Variants in ZNF503 observed in about 807,000 individuals in gnomAD.
The protein encoded by ZNF503 is zinc finger protein 503.
Under a neutral mutation model 34.4 loss-of-function variants are expected in ZNF503, and 15 were observed. The observed-to-expected ratio is 0.44, with a 90% confidence interval of 0.29 to 0.67. The LOEUF (loss-of-function observed/expected upper bound fraction) is 0.67, where lower values mean the gene tolerates loss of function less well. Among genes scored for constraint, ZNF503 ranks in the 30% least tolerant of loss-of-function variants. The pLI, the probability that ZNF503 is intolerant of heterozygous loss-of-function variation, is 0.13. For synonymous variants in ZNF503, 580 were observed against 456.8 expected (o/e 1.27, Z -3.44); for missense variants, 1,007 against 926.8 (o/e 1.09, Z -1.12).
the ZNF503 span, among the ~76,000 whole-genome samples, chr10:75,292,876 G>T: frequency 6.6e-6 from 1 of 152,196 alleles, no homozygotes; most frequent in Non-Finnish European, 1.5e-5. Flanking sequence ...CTGTTTCCTT[G>T]TGAACATTGG....
At chr10:75,314,606 C>T in the ZNF503 span, among the ~76,000 whole-genome samples, 24 of 152,142 alleles carry the variant, frequency 1.6e-4, no homozygotes, top group African/African-American at 5.8e-4. Context: ...AAGGTGAACA[C>T]AGAGAGAAAG....
At chr10:75,351,392 A>C in the ZNF503 span, among the ~76,000 whole-genome samples, 1 of 152,070 alleles carries the variant, frequency 6.6e-6, no homozygotes, top group Non-Finnish European at 1.5e-5. Context: ...GGCTGGTTTC[A>C]AACTCCCGAC....
the ZNF503 span, among the ~76,000 whole-genome samples, chr10:75,324,754 G>A: frequency 6.6e-6 from 1 of 152,078 alleles, no homozygotes; most frequent in South Asian, 2.1e-4. Flanking sequence ...ACAAAGTTGT[G>A]CAACAATCAC....
the ZNF503 span, among the ~76,000 whole-genome samples, chr10:75,378,992 C>T: frequency 6.6e-6 from 1 of 152,124 alleles, no homozygotes; most frequent in Non-Finnish European, 1.5e-5. Flanking sequence ...TCCACACCCC[C>T]CAAACCCCAG....
In ZNF503 at chr10:75,399,623, C is replaced by T. The variant is rs967257736; in HGVS notation, c.1067G>A (p.Gly356Asp). 3 of 1,598,480 alleles carry T rather than the reference C, an allele frequency of 1.9e-6. No homozygotes were observed. The highest frequency in any genetic ancestry group is 2.5e-6 in the Non-Finnish European group (3 of 1,179,650). ...GQTVFPLPPA[G>D]MTYPGSLAGA... ...GGCCAGGCTGCCTGGGTAGGTCATA[C>T]CCGCGGGAGGCAGAGGGAACACTGT... Residue 356 changes from glycine to aspartate, a missense_variant, in exon 2 of 2, where the codon GGT becomes GAT. Physicochemically the swap from Gly to Asp is moderately conservative, Grantham distance 94. Coordinates refer to ENST00000372524, the MANE Select transcript of ZNF503 (RefSeq NM_032772.6).
At chr10:75,309,525 T>C in the ZNF503 span, among the ~76,000 whole-genome samples, 1 of 152,202 alleles carries the variant, frequency 6.6e-6, no homozygotes, top group Admixed American at 6.5e-5. Flanking sequence ...AAGATGATGA[T>C]TCATTGAAGG....
chr10:75,374,862 A>G, the ZNF503 span, among the ~76,000 whole-genome samples: 1 of 152,240 alleles, frequency 6.6e-6, no homozygotes, highest in Non-Finnish European at 1.5e-5. Flanking sequence ...AATTGATACC[A>G]GCCCTTGGAA....
the ZNF503 span, among the ~76,000 whole-genome samples, chr10:75,336,529 G>A: frequency 6.6e-5 from 10 of 152,166 alleles, no homozygotes; most frequent in Admixed American, 2.0e-4. Context: ...GAATAGGGTA[G>A]GGAATTGCAC....
chr10:75,401,345 G>C lies in ZNF503; in HGVS notation c.75C>G (p.Gly25=). 2 of 1,483,660 alleles carry C rather than the reference G, an allele frequency of 1.3e-6. No individual in the cohort carries two copies. The highest frequency in any genetic ancestry group is 2.1e-5 in the Admixed American group (1 of 48,734). The allele number at this position is 1,483,660 out of a possible 1,614,324, so 91.9% of individuals were successfully genotyped here. ...TGGTCCAGGCAGGGTCTGCACCGCCGCCTCCGCCTCCGCCGCCGCCGCCGC... is the reference window on the plus strand; with the variant it reads ...TGGTCCAGGCAGGGTCTGCACCGCCCCCTCCGCCTCCGCCGCCGCCGCCGC... ...HSGGGGGGGG[G]GGADPAWTSA... The change falls in exon 1 of 2, where the codon GGC becomes GGG. Residue 25 remains glycine, a synonymous_variant. Transcript: ENST00000372524.
At chr10:75,359,235 C>T in the ZNF503 span, among the ~76,000 whole-genome samples, 1 of 152,218 alleles carries the variant, frequency 6.6e-6, no homozygotes, top group Non-Finnish European at 1.5e-5. Flanking sequence ...CCCTGACCCT[C>T]GATAGCTTTT....
At chr10:75,357,009 A>G in the ZNF503 span, among the ~76,000 whole-genome samples, 18 of 152,268 alleles carry the variant, frequency 1.2e-4, no homozygotes, top group East Asian at 3.1e-3. Context: ...GGGTTCCTCA[A>G]TTGGAAATAG....
chr10:75,294,815 G>A, the ZNF503 span, among the ~76,000 whole-genome samples: 1 of 152,160 alleles, frequency 6.6e-6, no homozygotes, highest in Non-Finnish European at 1.5e-5. Context: ...GCGCGCGGAG[G>A]GGGTGTCAGC....
the ZNF503 span, among the ~76,000 whole-genome samples, chr10:75,375,037 G>T: frequency 6.6e-6 from 1 of 152,130 alleles, no homozygotes; most frequent in Non-Finnish European, 1.5e-5. Context: ...TTGGTCCCTG[G>T]CAAGTGGAAA....
the ZNF503 span, among the ~76,000 whole-genome samples, chr10:75,348,813 C>T: frequency 6.6e-6 from 1 of 152,098 alleles, no homozygotes; most frequent in Non-Finnish European, 1.5e-5. Context: ...CACCCGGCCG[C>T]CCCTATTACT....
At chr10:75,306,519 G>A in the ZNF503 span, among the ~76,000 whole-genome samples, 1 of 152,066 alleles carries the variant, frequency 6.6e-6, no homozygotes, top group African/African-American at 2.4e-5. Flanking sequence ...TGTTGATGAT[G>A]CCATCTGATG....
At chr10:75,318,574 C>G in the ZNF503 span, among the ~76,000 whole-genome samples, 1 of 149,630 alleles carries the variant, frequency 6.7e-6, no homozygotes, top group Non-Finnish European at 1.5e-5. Flanking sequence ...GAGGCTGAGG[C>G]AGGAGGATCG....
At chr10:75,368,609 G>C in the ZNF503 span, among the ~76,000 whole-genome samples, 2 of 152,192 alleles carry the variant, frequency 1.3e-5, no homozygotes, top group Non-Finnish European at 2.9e-5. Context: ...GCAGAAACAA[G>C]GTTCTTTTGC....
the ZNF503 span, among the ~76,000 whole-genome samples, chr10:75,358,081 C>T: frequency 7.9e-5 from 12 of 152,136 alleles, no homozygotes; most frequent in Non-Finnish European, 4.4e-5. Context: ...AACTTTCCTG[C>T]CCAGGGAAGA....
At chr10:75,321,402 C>G in the ZNF503 span, among the ~76,000 whole-genome samples, 1 of 152,022 alleles carries the variant, frequency 6.6e-6, no homozygotes, top group African/African-American at 2.4e-5. Flanking sequence ...AATGTGGAAA[C>G]AGCTTTGGAA....
Sources: allele counts gnomAD v4.1 joint callset (sites outside exome capture counted in the v4.1 genomes callset), GRCh38; gene constraint gnomAD v4.1.1; transcripts MANE v1.5; gene names NCBI Gene and HGNC (gene_info 2026-07-23, HGNC 2026-07-21).